Variants in PRMT5 observed in about 807,000 individuals in gnomAD.
The protein encoded by PRMT5 is protein arginine N-methyltransferase 5.
In PRMT5, 15 loss-of-function variants were observed where a neutral mutation model predicts 84.0. The observed-to-expected ratio is 0.18, with a 90% CI of 0.12 to 0.28. PRMT5 has a LOEUF of 0.28. Among genes scored for constraint, PRMT5 ranks in the 10% least tolerant of loss-of-function variants. The pLI is 1.00. For missense variants in PRMT5, 486 were observed against 808.0 expected (o/e 0.60, Z 4.83); for synonymous variants, 276 against 292.4 (o/e 0.94, Z 0.57).
At position 22,920,553 on chromosome 14, in the gene PRMT5, T is replaced by C; in HGVS notation, c.*351A>G. The stretch of plus-strand genomic sequence containing the variant: ...GTGCAGTAAAGGGCTATAACTTTAT[T>C]TGTATTTCCTCTTACACAAAACCAT... On this transcript the variant is annotated 3_prime_UTR_variant, in exon 17 of 17. Coordinates refer to ENST00000324366, the MANE Select transcript of PRMT5 (RefSeq NM_006109.5). The C allele has an allele frequency of 2.2e-6, 1 of 464,246 alleles. No individual in the cohort carries two copies. Among genetic ancestry groups the C allele is most frequent in the Non-Finnish European group, 4.3e-6 (1 of 230,206 alleles). The allele number at this position is 464,246 out of a possible 1,614,324, so 28.8% of individuals were successfully genotyped here. A position where few individuals can be genotyped will look rare whatever the true frequency, so the allele number is the denominator to read the frequency against.
chr14:22,923,509 T>C lies in PRMT5; in HGVS notation c.1376-349A>G, dbSNP rs1234973217. ...TACATATGTCATATTTATTTATTTATTTATTTATTTATTTATTTATTTGAG... is the reference window on the plus strand; with the variant it reads ...TACATATGTCATATTTATTTATTTACTTATTTATTTATTTATTTATTTGAG... On this transcript the variant is annotated intron_variant, in intron 12 of 16. Transcript: ENST00000324366. This position sits in a 1 kb window ranked among gnomAD's most constrained non-coding sequence, Gnocchi z 5.2. 1 of 153,866 alleles carries C rather than the reference T, an allele frequency of 6.5e-6. No homozygotes were observed. The highest frequency in any genetic ancestry group is 2.4e-5 in the African/African-American group (1 of 41,208). 9.5% of individuals were successfully genotyped at this position (153,866 alleles called of 1,614,324 possible). A position where few individuals can be genotyped will look rare whatever the true frequency, so the allele number is the denominator to read the frequency against.
In PRMT5 at chr14:22,923,284, GAA is replaced by G. The variant is rs2044345599; in HGVS notation, c.1376-126_1376-125del. ...AACCAACGTTGGCATGGGCATGGAAGAAAGAGACAAATGCATGTTGTCACATT... is the reference window on the plus strand; with the variant it reads ...AACCAACGTTGGCATGGGCATGGAAGAGAGACAAATGCATGTTGTCACATT... On this transcript the variant is annotated intron_variant, in intron 12 of 16. Coordinates refer to ENST00000324366, the MANE Select transcript of PRMT5 (RefSeq NM_006109.5). This position sits in a 1 kb window ranked among gnomAD's most constrained non-coding sequence, Gnocchi z 5.2. The G allele has an allele frequency of 4.6e-6, 3 of 650,712 alleles. No individual in the cohort carries two copies. In the South Asian group the frequency reaches 6.6e-5, roughly 14 times the overall value. The allele number at this position is 650,712 out of a possible 1,614,324, so 40.3% of individuals were successfully genotyped here.
Position 22,923,035 on chromosome 14 carries a change from G to A in PRMT5, c.1485+16C>T, listed in dbSNP as rs550935932. 1.3e-6 allele frequency: 2 copies of A among 1,566,984 alleles called. No homozygotes were observed. Among genetic ancestry groups the A allele is most frequent in the Non-Finnish European group, 1.8e-6 (2 of 1,139,656 alleles). On this transcript the variant is annotated intron_variant, in intron 13 of 16. Coordinates refer to ENST00000324366, the MANE Select transcript of PRMT5 (RefSeq NM_006109.5). This position sits in a 1 kb window ranked among gnomAD's most constrained non-coding sequence, Gnocchi z 5.2. ...CTAAAGAGTACCACTTCTTTCCAGAGAGAGTGGTTCTTTACCTCAGGGTCA... is the reference window on the plus strand; with the variant it reads ...CTAAAGAGTACCACTTCTTTCCAGAAAGAGTGGTTCTTTACCTCAGGGTCA...
chr14:22,928,389 G>A lies in PRMT5; in HGVS notation c.229+108C>T. The A allele has an allele frequency of 8.6e-7, 1 of 1,165,872 alleles. No individual in the cohort carries two copies. The highest frequency in any genetic ancestry group is 1.3e-6 in the Non-Finnish European group (1 of 781,452). The allele number at this position is 1,165,872 out of a possible 1,614,324, so 72.2% of individuals were successfully genotyped here. ...GAGAAAACAAGTTATCTATATCCCAGGGACTAACAAATATATCCAAGTCAG... is the reference window on the plus strand; with the variant it reads ...GAGAAAACAAGTTATCTATATCCCAAGGACTAACAAATATATCCAAGTCAG... On this transcript the variant is annotated intron_variant, in intron 2 of 16. Coordinates refer to ENST00000324366, the MANE Select transcript of PRMT5 (RefSeq NM_006109.5). The surrounding 1 kb of genome is among the most constrained non-coding windows in gnomAD (Gnocchi z 4.8).
At chr14:22,927,137 G>A (rs1398070019) in intron 4 of PRMT5, among the ~76,000 whole-genome samples, 1 of 149,018 alleles carries the variant, frequency 6.7e-6, no homozygotes, top group African/African-American at 2.5e-5. Flanking sequence ...CCAGGCTGGA[G>A]TGCAGTGGTG....
chr14:22,926,752 T>C lies in PRMT5; in HGVS notation c.513A>G (p.Ala171=). Residue 171 remains alanine (A), a synonymous_variant, in exon 5 of 17, where the codon GCA becomes GCG. Coordinates refer to ENST00000324366, the MANE Select transcript of PRMT5 (RefSeq NM_006109.5). ...TGTACTCCTCTGTGTGTGTAGTTGG[T>C]GCATTCTCAATTATATCATCTCTCA... is the stretch of plus-strand genomic sequence containing the variant. ...EDLRDDIIEN[A]PTTHTEEYSG... is the part of the protein sequence containing the mutation. 2 of 1,614,150 alleles carry C rather than the reference T, an allele frequency of 1.2e-6. No individual in the cohort carries two copies. Among genetic ancestry groups the C allele is most frequent in the Admixed American group, 1.7e-5 (1 of 60,010 alleles).
At position 22,926,833 on chromosome 14, in the gene PRMT5, C is replaced by T; in HGVS notation, c.451-19G>A. The stretch of plus-strand genomic sequence containing the variant: ...TCCAGAACTGCACATGAACAGTCAC[C>T]CTTTTAGAACTCTCTTTTGAACTCA... On this transcript the variant is annotated intron_variant, in intron 4 of 16. Coordinates refer to ENST00000324366, the MANE Select transcript of PRMT5 (RefSeq NM_006109.5). 2 of 1,552,646 alleles carry T rather than the reference C, an allele frequency of 1.3e-6. No homozygotes were observed. The highest frequency in any genetic ancestry group is 1.8e-6 in the Non-Finnish European group (2 of 1,124,144).
chr14:22,926,880 C>T, intron 4 of PRMT5, 66 bp from the exon 5 acceptor site: 2 of 1,183,252 alleles, frequency 1.7e-6, no homozygotes, highest in South Asian at 1.3e-5. Flanking sequence ...AAGTTTCCCT[C>T]AATAAAAAAA....
In PRMT5 at chr14:22,929,234, T is replaced by C. The variant is rs1221408072; in HGVS notation, c.110+18A>G. On this transcript the variant is annotated intron_variant, in intron 1 of 16. Transcript: ENST00000324366. ...GAGTTCGGACCCCGCATTCCGCTCG[T>C]GGAGGTCCGGCCCTCACCCCTGCTT... The C allele has an allele frequency of 2.5e-6, 4 of 1,613,930 alleles. No homozygotes were observed. In the Admixed American group the frequency reaches 6.7e-5, roughly 27 times the overall value.
chr14:22,929,281 A>T lies in PRMT5; in HGVS notation c.81T>A (p.Ala27=). ...GRDLNCVPEI[A]DTLGAVAKQG... ...GCTTGGCCACAGCCCCTAGTGTGTC[A>T]GCTATTTCGGGGACGCAATTCAGGT... is the stretch of plus-strand genomic sequence containing the variant. The change falls in exon 1 of 17, where the codon GCT becomes GCA. Residue 27 remains alanine, a synonymous_variant. Coordinates refer to ENST00000324366, the MANE Select transcript of PRMT5 (RefSeq NM_006109.5). 1 of 1,613,760 alleles carries T rather than the reference A, an allele frequency of 6.2e-7. No homozygotes were observed. Among genetic ancestry groups the T allele is most frequent in the Non-Finnish European group, 8.5e-7 (1 of 1,179,888 alleles).
intron 16 of PRMT5, among the ~76,000 whole-genome samples, chr14:22,921,878 T>C (rs1391620313): frequency 8.8e-6 from 1 of 113,634 alleles, no homozygotes; most frequent in African/African-American, 3.1e-5. Flanking sequence ...TGAGACTCCG[T>C]CTCTTTAAAA....
chr14:22,928,229 A>G lies in PRMT5; in HGVS notation c.230-18T>C, dbSNP rs749740340. The G allele has an allele frequency of 6.2e-7, 1 of 1,610,864 alleles. No homozygotes were observed. The highest frequency in any genetic ancestry group is 1.1e-5 in the South Asian group (1 of 90,966). On this transcript the variant is annotated intron_variant, in intron 2 of 16. Coordinates refer to ENST00000324366, the MANE Select transcript of PRMT5 (RefSeq NM_006109.5). This position sits in a 1 kb window ranked among gnomAD's most constrained non-coding sequence, Gnocchi z 4.8. ...ATTCCAGTCTGCACTCCCCCACCCA[A>G]GAAAGACAAATACTGAATAAGGTTC...
intron 6 of PRMT5, 84 bp downstream of exon 6, chr14:22,926,422 T>C: frequency 1.3e-6 from 2 of 1,594,578 alleles, no homozygotes; most frequent in East Asian, 4.5e-5. Flanking sequence ...AGTAGCAAAA[T>C]TGTATACTAT....
intron 4 of PRMT5, 114 bp downstream of exon 4, chr14:22,927,412 C>T (rs1233907901): frequency 1.4e-6 from 2 of 1,450,520 alleles, no homozygotes; most frequent in Non-Finnish European, 1.9e-6. Flanking sequence ...CCCGCCAATA[C>T]TGATACTTCA....
intron 16 of PRMT5, among the ~76,000 whole-genome samples, chr14:22,921,622 C>G (rs1350021974): frequency 6.6e-6 from 1 of 152,126 alleles, no homozygotes; most frequent in Non-Finnish European, 1.5e-5. Flanking sequence ...CGGTGGCTCA[C>G]GCCTGTAATC....
chr14:22,927,772 GTC>G (rs986294086), intron 3 of PRMT5, 112 bp from the exon 4 acceptor site: 2 of 1,296,280 alleles, frequency 1.5e-6, no homozygotes, highest in African/African-American at 3.0e-5. Context: ...CAGTGGCACA[GTC>G]TCCACTCACT....
chr14:22,925,124 TA>T, intron 7 of PRMT5, 84 bp from the exon 8 acceptor site: 2 of 1,410,140 alleles, frequency 1.4e-6, no homozygotes, highest in Non-Finnish European at 1.9e-6. Flanking sequence ...AGCCCTAGTG[TA>T]AAATAAGGCC....
chr14:22,927,948 A>G (rs983788727), intron 3 of PRMT5, among the ~76,000 whole-genome samples, 178 bp downstream of exon 3: 4 of 152,030 alleles, frequency 2.6e-5, no homozygotes, highest in Non-Finnish European at 5.9e-5. Flanking sequence ...AGCTCCAGTG[A>G]TCCTACAGCC....
Position 22,928,987 on chromosome 14 carries a change from T to A in PRMT5, c.110+265A>T, listed in dbSNP as rs1299099754. 13 of 743,054 alleles carry A rather than the reference T, an allele frequency of 1.7e-5. No individual in the cohort carries two copies. The highest frequency in any genetic ancestry group is 2.8e-5 in the Non-Finnish European group (13 of 462,244). 46.0% of individuals were successfully genotyped at this position (743,054 alleles called of 1,614,324 possible). ...CTTGCCCCCTAACACCTCCTCCCAC[T>A]CCCAGACAATAATCGCGACCTCCAG... On this transcript the variant is annotated intron_variant, in intron 1 of 16. Coordinates refer to ENST00000324366, the MANE Select transcript of PRMT5 (RefSeq NM_006109.5). This position sits in a 1 kb window ranked among gnomAD's most constrained non-coding sequence, Gnocchi z 4.8.
Sources: allele counts gnomAD v4.1 joint callset (sites outside exome capture counted in the v4.1 genomes callset), GRCh38; gene constraint gnomAD v4.1.1; non-coding constraint Gnocchi (gnomAD v3.1); transcripts MANE v1.5; gene names NCBI Gene and HGNC (gene_info 2026-07-23, HGNC 2026-07-21).